Variants in MSRB3 observed in about 807,000 individuals in gnomAD.
MSRB3 encodes the protein methionine sulfoxide reductase B3.
A neutral mutation model predicts 21.0 loss-of-function variants in MSRB3; 13 were observed. That is an observed-to-expected ratio of 0.62 (90% CI 0.40 to 0.98). The LOEUF is 0.98. Among genes scored for constraint, MSRB3 ranks in the 50% least tolerant of loss-of-function variants. The pLI is 0.00. For missense variants in MSRB3, 199 were observed against 230.3 expected, an observed-to-expected ratio of 0.86 and a Z score of 0.88; for synonymous variants, 87 against 88.6, an observed-to-expected ratio of 0.98 and a Z score of 0.10.
intron 5 of MSRB3, among the ~76,000 whole-genome samples, chr12:65,443,152 A>G (rs1199022996): frequency 1.3e-5 from 2 of 152,136 alleles, no homozygotes; most frequent in African/African-American, 4.8e-5. Flanking sequence ...AACCATTTAA[A>G]AATGTTGTGC....
At chr12:65,318,274 A>G (rs2136437148) in intron 2 of MSRB3, among the ~76,000 whole-genome samples, 1 of 152,260 alleles carries the variant, frequency 6.6e-6, no homozygotes, top group East Asian at 1.9e-4. Context: ...TTTTGACAAT[A>G]TATATTTTAT....
intron 4 of MSRB3, among the ~76,000 whole-genome samples, chr12:65,331,664 A>G (rs1031757722): frequency 6.6e-6 from 1 of 152,208 alleles, no homozygotes; most frequent in African/African-American, 2.4e-5. Context: ...GGTGCTGCTC[A>G]TCGCTGTGCA....
chr12:65,347,622 G>T (rs544468488), intron 4 of MSRB3, among the ~76,000 whole-genome samples: 3 of 152,268 alleles, frequency 2.0e-5, no homozygotes, highest in Middle Eastern at 3.4e-3. Flanking sequence ...CCAACACTAT[G>T]TTGAATAGGA....
At chr12:65,394,635 C>G (rs1052276189) in intron 5 of MSRB3, among the ~76,000 whole-genome samples, 16 of 152,140 alleles carry the variant, frequency 1.1e-4, no homozygotes, top group Admixed American at 9.8e-4. Context: ...ACAACGATCA[C>G]AAGGAAGGAA....
Position 65,371,056 on chromosome 12 carries a change from A to C in MSRB3, c.292+2030A>C, listed in dbSNP as rs556126769. ...AATAAGGTAGCATAGGGCCGGGCAC[A>C]GTGGCCCATGCCTGTAATCCCAGCA... On this transcript the variant is annotated intron_variant, in intron 5 of 6. Transcript: ENST00000308259. Among the ~76,000 whole-genome samples, 7 of 152,330 alleles carry C rather than the reference A, an allele frequency of 4.6e-5. No homozygotes were observed. In the South Asian group the frequency reaches 1.5e-3, roughly 32 times the overall value.
chr12:65,446,057 T>G (rs937412189), intron 5 of MSRB3, among the ~76,000 whole-genome samples: 25 of 152,246 alleles, frequency 1.6e-4, no homozygotes, highest in African/African-American at 5.8e-4. Flanking sequence ...ATGTTTACTC[T>G]TTGTCTGGAC....
chr12:65,352,896 A>G (rs1877116788), intron 4 of MSRB3, among the ~76,000 whole-genome samples: 1 of 151,822 alleles, frequency 6.6e-6, no homozygotes, highest in Non-Finnish European at 1.5e-5. Context: ...TGCCCAAGGT[A>G]ATTTACAGAT....
intron 4 of MSRB3, among the ~76,000 whole-genome samples, chr12:65,331,379 GAGAT>G (rs1321199105): frequency 6.6e-6 from 1 of 152,152 alleles, no homozygotes; most frequent in Non-Finnish European, 1.5e-5. Context: ...CCTAGGAACT[GAGAT>G]AGATAGCCCT....
intron 4 of MSRB3, among the ~76,000 whole-genome samples, chr12:65,358,291 A>AT (rs1005706440): frequency 2.3e-4 from 34 of 149,366 alleles, no homozygotes; most frequent in South Asian, 6.4e-4. Flanking sequence ...CTAATTTTTT[A>AT]TTTTTTTTTA....
At chr12:65,423,674 G>A (rs949026590) in intron 5 of MSRB3, among the ~76,000 whole-genome samples, 18 of 151,990 alleles carry the variant, frequency 1.2e-4, no homozygotes, top group African/African-American at 3.6e-4. Context: ...AACCATCCTC[G>A]CACCTCAAAA....
At chr12:65,393,626 G>A (rs1475201799) in intron 5 of MSRB3, among the ~76,000 whole-genome samples, 13 of 76,744 alleles carry the variant, frequency 1.7e-4, no homozygotes, top group African/African-American at 6.2e-4. Context: ...GCGAGACTCC[G>A]TCGCAAAAAA....
At chr12:65,354,678 A>T (rs1877276409) in intron 4 of MSRB3, among the ~76,000 whole-genome samples, 1 of 151,764 alleles carries the variant, frequency 6.6e-6, no homozygotes, top group Admixed American at 6.6e-5. Flanking sequence ...CCAAAGGTAG[A>T]TGTATAGGTT....
intron 5 of MSRB3, among the ~76,000 whole-genome samples, chr12:65,433,584 C>T (rs903104815): frequency 7.2e-5 from 11 of 151,806 alleles, no homozygotes; most frequent in Non-Finnish European, 2.9e-5. Context: ...TCACTCTGGC[C>T]TTTCTGAATT....
chr12:65,418,771 T>C, intron 5 of MSRB3: 1 of 956,622 alleles, frequency 1.0e-6, no homozygotes, highest in Non-Finnish European at 1.7e-6. Flanking sequence ...CACTTTGCCA[T>C]CCACTGTCTG....
At chr12:65,301,415 C>T (rs769257528) in intron 1 of MSRB3, among the ~76,000 whole-genome samples, 2 of 152,068 alleles carry the variant, frequency 1.3e-5, no homozygotes, top group African/African-American at 4.8e-5. Context: ...AAAATCTACA[C>T]GGAAATTTTG....
chr12:65,355,034 G>T (rs962901755), intron 4 of MSRB3, among the ~76,000 whole-genome samples: 3 of 151,786 alleles, frequency 2.0e-5, no homozygotes, highest in Non-Finnish European at 4.4e-5. Flanking sequence ...CTGAAAAAAG[G>T]TGTAAAGAGA....
At chr12:65,389,939 C>T (rs889265047) in intron 5 of MSRB3, among the ~76,000 whole-genome samples, 4 of 152,216 alleles carry the variant, frequency 2.6e-5, no homozygotes, top group East Asian at 1.9e-4. Context: ...TATCACTTTT[C>T]TCAAATCCCC....
intron 4 of MSRB3, among the ~76,000 whole-genome samples, chr12:65,340,520 A>T (rs1010276919): frequency 6.6e-6 from 1 of 152,154 alleles, no homozygotes; most frequent in African/African-American, 2.4e-5. Flanking sequence ...CTGAAACAGG[A>T]TGAATAACCA....
intron 5 of MSRB3, among the ~76,000 whole-genome samples, chr12:65,411,214 G>C (rs779530078): frequency 3.9e-5 from 6 of 152,110 alleles, no homozygotes; most frequent in Non-Finnish European, 8.8e-5. Flanking sequence ...GTGAATAAAC[G>C]GGTGTTTCCA....
Sources: allele counts gnomAD v4.1 joint callset (sites outside exome capture counted in the v4.1 genomes callset), GRCh38; gene constraint gnomAD v4.1.1; transcripts MANE v1.5; gene names NCBI Gene and HGNC (gene_info 2026-07-23, HGNC 2026-07-21).